The following ABCB1 variants were observed in gnomAD, a reference collection of about 807,000 sequenced individuals.
The protein encoded by ABCB1 is ATP binding cassette subfamily B member 1.
ABCB1 carries 69 observed loss-of-function variants against 142.0 expected under a neutral mutation model. The ratio of observed to expected loss-of-function variants is 0.49; its 90% CI spans 0.40 to 0.59. The LOEUF (loss-of-function observed/expected upper bound fraction) is 0.59, where lower values mean the gene tolerates loss of function less well. Ranked by LOEUF, ABCB1 falls within the 20% of genes least tolerant of loss-of-function variation. The probability of loss-of-function intolerance (pLI) is 0.00; values close to 1 mark genes in which losing one functional copy is unlikely to be tolerated. For synonymous variants in ABCB1, 532 were observed against 539.2 expected (o/e 0.99, Z 0.18); for missense variants, 1,326 against 1,554.7 (o/e 0.85, Z 2.47).
chr7:87,514,834 A>G (rs1203738477), intron 25 of ABCB1, among the ~76,000 whole-genome samples: 1 of 152,058 alleles, frequency 6.6e-6, no homozygotes, highest in African/African-American at 2.4e-5. Context: ...TCCTTACCCA[A>G]TCTCTCTATA....
chr7:87,632,801 A>G (rs141944393), intron 1 of ABCB1, among the ~76,000 whole-genome samples: 1,528 of 152,270 alleles, frequency 0.01, 12 homozygotes, highest in Admixed American at 0.017. Flanking sequence ...TTCTCTTTCT[A>G]TGGCTTAACA....
chr7:87,626,112 GTGTCATATATAT>G (rs1414477299), intron 1 of ABCB1, among the ~76,000 whole-genome samples: 5 of 126,680 alleles, frequency 3.9e-5, no homozygotes, highest in East Asian at 5.3e-4. Flanking sequence ...TCATATATAT[GTGTCATATATAT>G]TGTCATATAT....
intron 1 of ABCB1, among the ~76,000 whole-genome samples, chr7:87,675,897 GATAA>G (rs1826306511): frequency 6.6e-6 from 1 of 152,100 alleles, no homozygotes; most frequent in Non-Finnish European, 1.5e-5. Context: ...ACAAAGAAAA[GATAA>G]ATAAGTGGAA....
chr7:87,554,625 T>C (rs187971396), intron 8 of ABCB1, among the ~76,000 whole-genome samples: 6 of 152,338 alleles, frequency 3.9e-5, no homozygotes, highest in Admixed American at 3.9e-4. Flanking sequence ...CAGCATTCCC[T>C]CTCTTCCTTC....
At chr7:87,561,162 T>C (rs1817548287) in intron 8 of ABCB1, 101 bp downstream of exon 8, 1 of 1,391,062 alleles carries the variant, frequency 7.2e-7, no homozygotes. Flanking sequence ...TAAGAAAACA[T>C]ATATATGGGA....
rs1317515980 is a variant in ABCB1 at position 87,585,380 on chromosome 7, T to TAAC, written c.286+129_286+131dup. ...TCTAACTCACTACAAATATGAATTA[T>TAAC]AACTCAGACTGTCTGCCTCCTACAG... On this transcript the variant is annotated intron_variant, in intron 4 of 27. Coordinates refer to ENST00000622132, the MANE Select transcript of ABCB1 (RefSeq NM_001348946.2). 3 of 857,782 alleles carry TAAC rather than the reference T, an allele frequency of 3.5e-6. No individual in the cohort carries two copies. The African/African-American group carries it at 5.0e-5, about 14-fold the overall frequency. The allele number at this position is 857,782 out of a possible 1,614,324, so 53.1% of individuals were successfully genotyped here.
At chr7:87,537,968 T>C (rs28381945) in intron 19 of ABCB1, among the ~76,000 whole-genome samples, 1 of 152,246 alleles carries the variant, frequency 6.6e-6, no homozygotes, top group Admixed American at 6.5e-5. Flanking sequence ...TATTATAGTA[T>C]GTATCAACTT....
rs1408739324 is a variant in ABCB1, at chr7:87,541,414, C to A, written c.2262G>T (p.Leu754Phe). 9 of 1,609,338 alleles carry A rather than the reference C, an allele frequency of 5.6e-6. No individual in the cohort carries two copies. The African/African-American group carries it at 1.2e-4, about 22-fold the overall frequency. Residue 754 changes from leucine to phenylalanine, a missense_variant, in exon 18 of 28, where the codon TTG becomes TTT. Transcript: ENST00000622132. ...DPETKRQNSN[L>F]FSLLFLALGI... ...CAAGGGCTAGAAACAATAGTGAAAACAAGTTACTATTCTGTCGTTTTGTTT... is the reference window on the plus strand; with the variant it reads ...CAAGGGCTAGAAACAATAGTGAAAAAAAGTTACTATTCTGTCGTTTTGTTT...
At chr7:87,604,736 G>A (rs1190947205), upstream of ABCB1, among the ~76,000 whole-genome samples, 1 of 152,116 alleles carries the variant, frequency 6.6e-6, no homozygotes, top group African/African-American at 2.4e-5. Flanking sequence ...ATGGTGATCA[G>A]ATGATGATAA....
Position 87,548,814 on chromosome 7 carries a change from T to C in ABCB1, c.1725+534A>G, listed in dbSNP as rs565450122. On this transcript the variant is annotated intron_variant, in intron 14 of 27. Transcript: ENST00000622132. ...TTGCAGGACAGTCAAACTCTGTTGA[T>C]AGTCAATAACCTGTCATGGCTTAGG... Among the ~76,000 whole-genome samples the C allele has an allele frequency of 6.6e-5, 10 of 152,336 alleles. 1 individual carries two copies. In the South Asian group the frequency reaches 1.2e-3, roughly 19 times the overall value.
Position 87,709,042 on chromosome 7 carries a change from CTGTT to C in ABCB1, c.-331+4115_-331+4118del, listed in dbSNP as rs1204134930. Among the ~76,000 whole-genome samples the C allele has an allele frequency of 2.0e-5, 3 of 152,082 alleles. No homozygotes were observed. In the South Asian group the frequency reaches 6.2e-4, roughly 32 times the overall value. Reference sequence around the variant, plus strand: ...CTTGGCCCAAACAATCTTTATAAGTCTGTTTGTCTTCTGTTCTATTAAAAGTTCC... The same window carrying C: ...CTTGGCCCAAACAATCTTTATAAGTCTGTCTTCTGTTCTATTAAAAGTTCC... On this transcript the variant is annotated intron_variant, in intron 1 of 28. Coordinates refer to the ABCB1 transcript ENST00000265724.
At chr7:87,556,021 G>T (rs1322780236) in intron 8 of ABCB1, among the ~76,000 whole-genome samples, 3 of 152,170 alleles carry the variant, frequency 2.0e-5, no homozygotes, top group Non-Finnish European at 4.4e-5. Flanking sequence ...AAAGGGAAAT[G>T]AGATATAAAC....
intron 1 of ABCB1, among the ~76,000 whole-genome samples, chr7:87,607,162 A>G (rs540112260): frequency 1.1e-4 from 17 of 152,208 alleles, no homozygotes; most frequent in South Asian, 2.1e-4. Flanking sequence ...TCAACTGTCT[A>G]TATAAGTTGG....
intron 23 of ABCB1, among the ~76,000 whole-genome samples, chr7:87,517,042 T>C (rs1815284605): frequency 6.6e-6 from 1 of 152,146 alleles, no homozygotes; most frequent in Non-Finnish European, 1.5e-5. Context: ...TGGCCAAAAG[T>C]TGACACTTCT....
intron 4 of ABCB1, among the ~76,000 whole-genome samples, chr7:87,578,918 C>T (rs1818388568): frequency 6.6e-6 from 1 of 151,968 alleles, no homozygotes; most frequent in Non-Finnish European, 1.5e-5. Flanking sequence ...TAGTCTCGAT[C>T]TCCTGACCTC....
chr7:87,569,528 T>C (rs1817945486), intron 5 of ABCB1, among the ~76,000 whole-genome samples: 1 of 152,156 alleles, frequency 6.6e-6, no homozygotes, highest in Admixed American at 6.5e-5. Context: ...ATAGAGAGAC[T>C]GTATTTTTTC....
intron 4 of ABCB1, among the ~76,000 whole-genome samples, chr7:87,573,360 T>C (rs964740962): frequency 1.3e-5 from 2 of 152,204 alleles, no homozygotes; most frequent in Admixed American, 1.3e-4. Flanking sequence ...CCCTCTTTCC[T>C]ACACACTGAT....
chr7:87,516,412 C>G, intron 24 of ABCB1, 97 bp downstream of exon 24: 1 of 1,482,880 alleles, frequency 6.7e-7, no homozygotes. Flanking sequence ...ATTTTATCAT[C>G]AGCATATTTG....
chr7:87,694,951 A>G (rs2130664393), intron 1 of ABCB1, among the ~76,000 whole-genome samples: 1 of 152,292 alleles, frequency 6.6e-6, no homozygotes, highest in Middle Eastern at 3.4e-3. Flanking sequence ...GTTTGTGATA[A>G]ATTCCTTACT....
Sources: gnomAD v4.1 joint callset for allele counts (sites outside exome capture counted in the v4.1 genomes callset) on GRCh38, gnomAD v4.1.1 for gene constraint, MANE v1.5 for transcripts, NCBI Gene and HGNC (gene_info 2026-07-23, HGNC 2026-07-21) for gene names.